The following FRY variants were observed in gnomAD, a reference collection of about 807,000 sequenced individuals.
FRY encodes protein furry homolog.
FRY carries 128 observed loss-of-function variants against 348.4 expected under a neutral mutation model. The ratio of observed to expected loss-of-function variants is 0.37; its 90% CI spans 0.32 to 0.43. The LOEUF is 0.43. FRY is among the 20% of genes least tolerant of loss of function. The pLI, the probability that FRY is intolerant of heterozygous loss-of-function variation, is 1.00. For missense variants in FRY, 2,736 were observed against 3,695.2 expected, an observed-to-expected ratio of 0.74 and a Z score of 6.73; for synonymous variants, 1,370 against 1,374.7, an observed-to-expected ratio of 1.00 and a Z score of 0.08.
At chr13:32,114,163 T>A (rs375218658) in intron 3 of FRY, among the ~76,000 whole-genome samples, 1 of 152,210 alleles carries the variant, frequency 6.6e-6, no homozygotes, top group Non-Finnish European at 1.5e-5. Context: ...GTAGTGAGTA[T>A]TGGAACTTAT....
chr13:32,085,495 C>T (rs1593595252), intron 2 of FRY, among the ~76,000 whole-genome samples: 1 of 152,336 alleles, frequency 6.6e-6, no homozygotes, highest in Non-Finnish European at 1.5e-5. Flanking sequence ...GCTTCCACCT[C>T]TTTAGTGTTG....
chr13:32,053,038 G>A (rs368536499), intron 1 of FRY, among the ~76,000 whole-genome samples: 3 of 151,934 alleles, frequency 2.0e-5, no homozygotes, highest in Admixed American at 1.3e-4. Flanking sequence ...GCTTGAACCC[G>A]GGAGGCGGAG....
In FRY at chr13:32,298,312, AC is replaced by A. The variant is rs1202287448; in HGVS notation, c.*2853del. The A allele has an allele frequency of 1.3e-5, 2 of 152,210 alleles. No individual in the cohort carries two copies. Among genetic ancestry groups the A allele is most frequent in the Admixed American group, 6.5e-5 (1 of 15,282 alleles). 9.4% of individuals were successfully genotyped at this position (152,210 alleles called of 1,614,324 possible). A position where few individuals can be genotyped will look rare whatever the true frequency, so the allele number is the denominator to read the frequency against. On this transcript the variant is annotated 3_prime_UTR_variant, in exon 61 of 61. Coordinates refer to ENST00000542859, the MANE Select transcript of FRY (RefSeq NM_023037.3). Reference sequence around the variant, plus strand: ...GTGCTTCCTGATGCCTGCCTTAACAACAAAAAATTCGTGTCCATAGGTGAGT... The same window carrying A: ...GTGCTTCCTGATGCCTGCCTTAACAAAAAAAATTCGTGTCCATAGGTGAGT...
chr13:32,033,271 TGAAAA>T lies in FRY; in HGVS notation c.70+1410_70+1414del, dbSNP rs1292701458. On this transcript the variant is annotated intron_variant, in intron 1 of 60. Transcript: ENST00000542859. ...CTTTGTCTATCTGCTCTTTGATTAA[TGAAAA>T]GAATTTGACATACAGTGTTCTTTAT... Among the ~76,000 whole-genome samples, 3 of 152,332 alleles carry T rather than the reference TGAAAA, an allele frequency of 2.0e-5. No homozygotes were observed. In the East Asian group the frequency reaches 5.8e-4, roughly 29 times the overall value.
At chr13:32,154,189 G>A (rs1428057947) in intron 14 of FRY, among the ~76,000 whole-genome samples, 2 of 152,094 alleles carry the variant, frequency 1.3e-5, no homozygotes, top group South Asian at 2.1e-4. Flanking sequence ...ACACACACAA[G>A]CCTAGAAACA....
chr13:32,109,264 C>G (rs764236254), intron 3 of FRY, among the ~76,000 whole-genome samples: 1 of 152,154 alleles, frequency 6.6e-6, no homozygotes, highest in Non-Finnish European at 1.5e-5. Flanking sequence ...CTGACACATA[C>G]TAGGATCTGT....
At position 32,135,122 on chromosome 13, in the gene FRY, A is replaced by G. The variant is rs764398356; in HGVS notation, c.1016A>G (p.Asn339Ser). ...KNEVNVPCLRNFVESLYDTTL... is the reference protein window; with the variant it reads ...KNEVNVPCLRSFVESLYDTTL... ...GAAGTAAATGTTCCCTGCCTTAGAA[A>G]TTTTGTGGAAAGCCTGTATGACACC... Residue 339 changes from asparagine (N) to serine (S), a missense_variant, in exon 10 of 61, where the codon AAT (asparagine) becomes AGT (serine). Asn to Ser is a conservative substitution (Grantham distance 46, BLOSUM62 1). Transcript: ENST00000542859. The G allele has an allele frequency of 1.9e-6, 3 of 1,612,956 alleles. No homozygotes were observed. The African/African-American group carries it at 4.0e-5, about 22-fold the overall frequency.
At chr13:32,041,560 C>T (rs1282241285) in intron 1 of FRY, among the ~76,000 whole-genome samples, 16 of 152,132 alleles carry the variant, frequency 1.1e-4, no homozygotes. Context: ...CTGTGCCCAG[C>T]CAGTCATCTA....
At chr13:32,202,064 A>G (rs1356106850) in intron 30 of FRY, 24 bp downstream of exon 30, 2 of 1,284,086 alleles carry the variant, frequency 1.6e-6, no homozygotes, top group Admixed American at 1.7e-5. Context: ...ACTGGCATAG[A>G]AAATATCCAT....
Position 32,155,492 on chromosome 13 carries a change from G to A in FRY, c.1481G>A (p.Arg494Lys). 6.2e-7 allele frequency: 1 copy of A among 1,610,886 alleles called. No homozygotes were observed. Among genetic ancestry groups the A allele is most frequent in the Non-Finnish European group, 8.5e-7 (1 of 1,177,128 alleles). Residue 494 changes from arginine (R) to lysine (K), a missense_variant and splice_region_variant, in exon 15 of 61, where the codon AGA becomes AAA. This residue lies in a region of FRY where 191 missense variants were observed against 370.2 expected (regional missense o/e 0.52). Transcript: ENST00000542859. ...PAKAFSLNPE[R>K]MNIGLRAFLV... ...TCATGACAATATTGTCTCTTACAGAGAATGAACATTGGTTTACGGGCATTC... is the reference window on the plus strand; with the variant it reads ...TCATGACAATATTGTCTCTTACAGAAAATGAACATTGGTTTACGGGCATTC...
At chr13:32,211,475 C>A (rs926185469) in intron 34 of FRY, among the ~76,000 whole-genome samples, 4 of 152,086 alleles carry the variant, frequency 2.6e-5, no homozygotes, top group Middle Eastern at 3.2e-3. Context: ...AAGAGAATAA[C>A]TGAGTTTCTT....
At chr13:32,059,167 A>AGG (rs112739484) in intron 1 of FRY, among the ~76,000 whole-genome samples, 1,559 of 152,060 alleles carry the variant, frequency 0.01, 33 homozygotes, top group African/African-American at 0.036. Flanking sequence ...AGGAAAGAAG[A>AGG]GGATACTTTT....
At chr13:32,087,794 C>A (rs1242101764) in intron 2 of FRY, among the ~76,000 whole-genome samples, 1 of 152,120 alleles carries the variant, frequency 6.6e-6, no homozygotes, top group African/African-American at 2.4e-5. Context: ...ATCCGGAACC[C>A]TTTTTAGTAT....
chr13:32,259,179 T>C lies in FRY; in HGVS notation c.7417-2437T>C, dbSNP rs1171731815. On this transcript the variant is annotated intron_variant, in intron 51 of 60. Coordinates refer to ENST00000542859, the MANE Select transcript of FRY (RefSeq NM_023037.3). ...TAACATAAAATACAAATCTGACATT[T>C]GGGGGAGAGGAAGGATGGAGGGTGG... is the stretch of plus-strand genomic sequence containing the variant. Among the ~76,000 whole-genome samples, 3 of 152,142 alleles carry C rather than the reference T, an allele frequency of 2.0e-5. No individual in the cohort carries two copies. The East Asian group carries it at 5.8e-4, about 29-fold the overall frequency.
At chr13:32,290,710 T>G (rs532536114) in intron 59 of FRY, among the ~76,000 whole-genome samples, 1 of 152,038 alleles carries the variant, frequency 6.6e-6, no homozygotes, top group East Asian at 1.9e-4. Flanking sequence ...ATGAGGCTGC[T>G]GAAATAGTTC....
At chr13:32,271,146 C>T (rs1888184211) in intron 55 of FRY, among the ~76,000 whole-genome samples, 1 of 152,148 alleles carries the variant, frequency 6.6e-6, no homozygotes, top group South Asian at 2.1e-4. Flanking sequence ...GCTGGTGAGA[C>T]ATAAAGAGAA....
At chr13:32,254,008 G>A in intron 50 of FRY, 1 of 589,048 alleles carries the variant, frequency 1.7e-6, no homozygotes, top group Non-Finnish European at 3.0e-6. Flanking sequence ...CGTGATTCTT[G>A]AACATTTTCC....
intron 1 of FRY, among the ~76,000 whole-genome samples, chr13:32,078,122 A>G (rs938049936): frequency 1.3e-5 from 2 of 152,244 alleles, no homozygotes; most frequent in African/African-American, 2.4e-5. Flanking sequence ...TTCTGAACAG[A>G]GGCCACTCAT....
intron 23 of FRY, 144 bp from the exon 24 acceptor site, chr13:32,182,833 G>A (rs1882794777): frequency 1.6e-6 from 1 of 626,894 alleles, no homozygotes; most frequent in Non-Finnish European, 2.9e-6. Context: ...CACGTGATTG[G>A]GAAATGGAGA....
Sources: allele counts gnomAD v4.1 joint callset (sites outside exome capture counted in the v4.1 genomes callset), GRCh38; gene constraint gnomAD v4.1.1; regional missense constraint gnomAD v4.1.1; transcripts MANE v1.5; gene names NCBI Gene and HGNC (gene_info 2026-07-23, HGNC 2026-07-21).